The following GRID2 variants were observed in gnomAD, a reference collection of about 807,000 sequenced individuals.
GRID2 encodes the protein glutamate receptor ionotropic, delta-2.
Under a neutral mutation model 114.8 loss-of-function variants are expected in GRID2, and 33 were observed. That is an observed-to-expected ratio of 0.29 (90% CI 0.22 to 0.38). The LOEUF is 0.38. Among genes scored for constraint, GRID2 ranks in the 10% least tolerant of loss-of-function variants. The pLI is 1.00. For missense variants in GRID2, 1,184 were observed against 1,257.7 expected, an observed-to-expected ratio of 0.94 and a Z score of 0.89; for synonymous variants, 505 against 449.9, an observed-to-expected ratio of 1.12 and a Z score of -1.55.
intron 1 of GRID2, among the ~76,000 whole-genome samples, chr4:92,403,007 G>T (rs1730861487): frequency 6.6e-6 from 1 of 152,142 alleles, no homozygotes; most frequent in Non-Finnish European, 1.5e-5. Context: ...AGCTCTTGCT[G>T]CTTCATCTTG....
intron 2 of GRID2, among the ~76,000 whole-genome samples, chr4:92,686,699 ATAT>A (rs989719764): frequency 2.6e-5 from 4 of 151,966 alleles, no homozygotes; most frequent in South Asian, 2.1e-4. Context: ...TAATTTGATA[ATAT>A]TATTTTTATT....
At chr4:93,384,190 C>T (rs574907085) in intron 8 of GRID2, among the ~76,000 whole-genome samples, 51 of 152,256 alleles carry the variant, frequency 3.3e-4, no homozygotes, top group Admixed American at 2.5e-3. Context: ...TAATCCTATT[C>T]ATGAGGGAAG....
At chr4:93,359,869 TAAAAAAAAAAAAAAAAAAAAAAA>T (rs1158118048) in intron 8 of GRID2, among the ~76,000 whole-genome samples, 7 of 23,598 alleles carry the variant, frequency 3.0e-4, no homozygotes, top group African/African-American at 1.3e-3. Context: ...AAGGAAGGTG[TAAAAAAAAAAAAAAAAAAAAAAA>T]AAAAAAAAAT....
chr4:93,342,113 A>G (rs1759723664), intron 8 of GRID2, among the ~76,000 whole-genome samples: 1 of 152,164 alleles, frequency 6.6e-6, no homozygotes, highest in African/African-American at 2.4e-5. Flanking sequence ...AAATCAAATG[A>G]TATCACTCTA....
At chr4:93,668,731 G>C (rs1268813978) in intron 14 of GRID2, among the ~76,000 whole-genome samples, 1 of 152,052 alleles carries the variant, frequency 6.6e-6, no homozygotes, top group African/African-American at 2.4e-5. Context: ...GGACTTAAAA[G>C]GGCTCAGCAT....
intron 1 of GRID2, among the ~76,000 whole-genome samples, chr4:92,306,130 A>T (rs144743567): frequency 6.6e-6 from 1 of 152,230 alleles, no homozygotes; most frequent in Non-Finnish European, 1.5e-5. Context: ...GTGCGCGCCC[A>T]CAGTGGCCAG....
intron 2 of GRID2, among the ~76,000 whole-genome samples, chr4:92,977,031 A>G (rs1753922895): frequency 6.6e-6 from 1 of 152,244 alleles, no homozygotes; most frequent in South Asian, 2.1e-4. Context: ...ATCTCTATGC[A>G]ATTCATTCAA....
At chr4:92,441,090 G>A (rs1057039783) in intron 1 of GRID2, among the ~76,000 whole-genome samples, 1 of 152,130 alleles carries the variant, frequency 6.6e-6, no homozygotes, top group African/African-American at 2.4e-5. Flanking sequence ...GTAAGGTCAA[G>A]TTGTTTGGAC....
intron 13 of GRID2, among the ~76,000 whole-genome samples, chr4:93,617,990 C>T (rs539797303): frequency 6.6e-6 from 1 of 152,128 alleles, no homozygotes; most frequent in African/African-American, 2.4e-5. Context: ...CCCCCCCTAA[C>T]CTTCTGTACC....
intron 13 of GRID2, among the ~76,000 whole-genome samples, chr4:93,617,569 T>G (rs17356460): frequency 0.2 from 30,814 of 152,138 alleles, 3,501 homozygotes; most frequent in Middle Eastern, 0.35. Flanking sequence ...TAAGATAACA[T>G]TGTCATTTAG....
intron 7 of GRID2, among the ~76,000 whole-genome samples, chr4:93,226,688 G>A (rs1206070419): frequency 6.6e-6 from 1 of 152,032 alleles, no homozygotes; most frequent in Non-Finnish European, 1.5e-5. Flanking sequence ...CATTGCCCTA[G>A]TGGAAACTCT....
chr4:93,381,016 C>T (rs1763801836), intron 8 of GRID2, among the ~76,000 whole-genome samples: 1 of 151,786 alleles, frequency 6.6e-6, no homozygotes, highest in Admixed American at 6.6e-5. Context: ...CTCCACATAG[C>T]CTCTAATTAC....
In GRID2 at chr4:93,381,300, A is replaced by T. The variant is rs183513291; in HGVS notation, c.1246-14307A>T. Among the ~76,000 whole-genome samples, 383 of 152,168 alleles carry T rather than the reference A, an allele frequency of 2.5e-3. 1 individual carries two copies. The highest frequency in any genetic ancestry group is 8.6e-3 in the African/African-American group (356 of 41,536). ...TTCTATGATTTTGACCATTTCAAGAAACTTATGTTAAGTGGAATCATAAGG... is the reference window on the plus strand; with the variant it reads ...TTCTATGATTTTGACCATTTCAAGATACTTATGTTAAGTGGAATCATAAGG... On this transcript the variant is annotated intron_variant, in intron 8 of 15. Transcript: ENST00000282020.
intron 2 of GRID2, among the ~76,000 whole-genome samples, chr4:92,847,703 G>A (rs1743437612): frequency 6.6e-6 from 1 of 151,662 alleles, no homozygotes; most frequent in Non-Finnish European, 1.5e-5. Flanking sequence ...ACTTAGTCTA[G>A]TGTCATAAAT....
intron 14 of GRID2, among the ~76,000 whole-genome samples, chr4:93,685,984 C>T (rs1441627601): frequency 2.6e-5 from 4 of 152,144 alleles, no homozygotes; most frequent in African/African-American, 9.6e-5. Context: ...TAAATGCTAG[C>T]TCTTGCCATT....
intron 2 of GRID2, among the ~76,000 whole-genome samples, chr4:92,945,707 T>G (rs187986496): frequency 8.5e-5 from 13 of 152,292 alleles, no homozygotes; most frequent in African/African-American, 3.1e-4. Flanking sequence ...TGTTTTGTTT[T>G]GAAAGTGGGA....
At chr4:93,732,550 G>C (rs2110228437) in intron 14 of GRID2, among the ~76,000 whole-genome samples, 1 of 152,014 alleles carries the variant, frequency 6.6e-6, no homozygotes, top group Admixed American at 6.6e-5. Context: ...ATTTTTCTTG[G>C]CACTCAACTC....
chr4:93,170,852 T>TTA (rs2149421913), intron 4 of GRID2, among the ~76,000 whole-genome samples: 1 of 143,802 alleles, frequency 7.0e-6, no homozygotes, highest in Admixed American at 6.7e-5. Flanking sequence ...TCATGTTTGA[T>TTA]TCTTTTTTTT....
At chr4:93,493,432 C>T (rs943313421) in intron 12 of GRID2, among the ~76,000 whole-genome samples, 1 of 151,736 alleles carries the variant, frequency 6.6e-6, no homozygotes. Flanking sequence ...GATGAAGAAA[C>T]AGAGTTTGGA....
Sources: allele counts gnomAD v4.1 joint callset (sites outside exome capture counted in the v4.1 genomes callset), GRCh38; gene constraint gnomAD v4.1.1; transcripts MANE v1.5; gene names NCBI Gene and HGNC (gene_info 2026-07-23, HGNC 2026-07-21).